Variants in INPP5D observed in about 807,000 individuals in gnomAD.
INPP5D encodes the protein inositol polyphosphate-5-phosphatase D.
INPP5D carries 33 observed loss-of-function variants against 122.9 expected under a neutral mutation model. The observed-to-expected ratio is 0.27, with a 90% CI of 0.20 to 0.36. The LOEUF (loss-of-function observed/expected upper bound fraction) is 0.36, where lower values mean the gene tolerates loss of function less well. Among genes scored for constraint, INPP5D ranks in the 10% least tolerant of loss-of-function variants. The pLI, the probability that INPP5D is intolerant of heterozygous loss-of-function variation, is 1.00. For synonymous variants in INPP5D, 584 were observed against 576.2 expected (o/e 1.01, Z -0.19); for missense variants, 1,053 against 1,412.7 (o/e 0.75, Z 4.08).
chr2:233,186,825 C>T (rs914951781), intron 21 of INPP5D, among the ~76,000 whole-genome samples: 5 of 146,318 alleles, frequency 3.4e-5, no homozygotes, highest in Non-Finnish European at 7.5e-5. Context: ...CAGGTTCAAG[C>T]GATTCTCCTG....
At chr2:233,168,180 A>G (rs1467006595) in intron 13 of INPP5D, among the ~76,000 whole-genome samples, 1 of 152,254 alleles carries the variant, frequency 6.6e-6, no homozygotes, top group East Asian at 1.9e-4. Flanking sequence ...TAATTTCAAT[A>G]ATAGATTTTA....
At chr2:233,173,565 A>G (rs547726726) in intron 17 of INPP5D, among the ~76,000 whole-genome samples, 9 of 152,192 alleles carry the variant, frequency 5.9e-5, no homozygotes, top group Non-Finnish European at 7.3e-5. Flanking sequence ...ATTTCTTTAT[A>G]TTCTTAATCT....
At position 233,182,404 on chromosome 2, in the gene INPP5D, C is replaced by CT; in HGVS notation, c.2072-5dup. On this transcript the variant is annotated splice_polypyrimidine_tract_variant and splice_region_variant and intron_variant, in intron 18 of 26. Transcript: ENST00000445964. ...CCTGCTTAAAAATGCCTTCCCTCCC[C>CT]TGCAGGCAGTACCAGCGACATCATG... 6.2e-7 allele frequency: 1 copy of CT among 1,613,568 alleles called. No individual in the cohort carries two copies. Among genetic ancestry groups the CT allele is most frequent in the African/African-American group, 1.3e-5 (1 of 75,056 alleles).
In INPP5D at chr2:233,204,626, G is replaced by C; in HGVS notation, c.3476G>C (p.Arg1159Pro). 1 of 1,579,874 alleles carries C rather than the reference G, an allele frequency of 6.3e-7. No homozygotes were observed. The highest frequency in any genetic ancestry group is 8.6e-7 in the Non-Finnish European group (1 of 1,164,698). Reference sequence around the variant, plus strand: ...CTGCACCTCCAGCACTCCAAGGGCCGCGACTACCGCGACAACACCGAGCTC... The same window carrying C: ...CTGCACCTCCAGCACTCCAAGGGCCCCGACTACCGCGACAACACCGAGCTC... ...AVLHLQHSKG[R>P]DYRDNTELPH... is the part of the protein sequence containing the mutation. The change falls in exon 26 of 27, where the codon CGC becomes CCC. Residue 1159 changes from arginine (R) to proline (P), a missense_variant. This residue lies in a region of INPP5D where 417 missense variants were observed against 425.8 expected (regional missense o/e 0.98). Coordinates refer to ENST00000445964, the MANE Select transcript of INPP5D (RefSeq NM_001017915.3).
In INPP5D at chr2:233,190,481, C is replaced by T. The variant is rs563894026; in HGVS notation, c.2446+544C>T. On this transcript the variant is annotated intron_variant, in intron 22 of 26. Transcript: ENST00000445964. ...TGCCCCCAAGGAGCCACCCTCTGCC[C>T]GAAGACCCCCTCTCCCCAGCCAGAG... Among the ~76,000 whole-genome samples the T allele has an allele frequency of 5.4e-4, 82 of 152,292 alleles. 1 individual carries two copies. Among genetic ancestry groups the T allele is most frequent in the South Asian group, 1.0e-3 (5 of 4,818 alleles).
At chr2:233,146,892 C>A (rs1397913671) in intron 8 of INPP5D, among the ~76,000 whole-genome samples, 1 of 152,162 alleles carries the variant, frequency 6.6e-6, no homozygotes, top group African/African-American at 2.4e-5. Context: ...CTAGTATATT[C>A]ACCCCAGCAC....
chr2:233,117,094 G>A (rs1179188165), intron 2 of INPP5D, among the ~76,000 whole-genome samples: 3 of 152,162 alleles, frequency 2.0e-5, no homozygotes, highest in African/African-American at 7.2e-5. Flanking sequence ...TAACCATTGC[G>A]GGGATCATGT....
intron 14 of INPP5D, 110 bp from the exon 15 acceptor site, chr2:233,169,916 C>A: frequency 6.4e-7 from 1 of 1,565,256 alleles, no homozygotes; most frequent in Admixed American, 1.8e-5. Flanking sequence ...TCTCACTTCC[C>A]CCCACCTGCT....
Position 233,130,658 on chromosome 2 carries a change from G to A in INPP5D, c.665+10G>A. On this transcript the variant is annotated intron_variant, in intron 5 of 26. Transcript: ENST00000445964. ...GCAAGGAGCTCTATGGGTAATGGCT[G>A]GCCCACGGGGGCGGGCAGGTGGGGG... is the stretch of plus-strand genomic sequence containing the variant. 1 of 1,613,754 alleles carries A rather than the reference G, an allele frequency of 6.2e-7. No individual in the cohort carries two copies. The highest frequency in any genetic ancestry group is 8.5e-7 in the Non-Finnish European group (1 of 1,179,760).
chr2:233,173,999 G>A (rs1694558235), intron 17 of INPP5D, among the ~76,000 whole-genome samples: 1 of 152,118 alleles, frequency 6.6e-6, no homozygotes. Context: ...GATGGTCAAT[G>A]ACATTATCAC....
In INPP5D at chr2:233,204,288, A is replaced by T; in HGVS notation, c.3138A>T (p.Glu1046Asp). 6.2e-7 allele frequency: 1 copy of T among 1,612,880 alleles called. No individual in the cohort carries two copies. Among genetic ancestry groups the T allele is most frequent in the South Asian group, 1.1e-5 (1 of 91,022 alleles). ...DQESPKMPRK[E>D]PPPCPEPGIL... ...AATCCCCCAAAATGCCGCGGAAGGA[A>T]CCCCCGCCCTGCCCGGAACCCGGCA... The change falls in exon 26 of 27, where the codon GAA becomes GAT. Residue 1046 changes from glutamate (E) to aspartate (D), a missense_variant. Glu to Asp is a conservative substitution (Grantham distance 45). Coordinates refer to ENST00000445964, the MANE Select transcript of INPP5D (RefSeq NM_001017915.3).
At chr2:233,063,195 C>A (rs372632039) in intron 1 of INPP5D, among the ~76,000 whole-genome samples, 5 of 152,336 alleles carry the variant, frequency 3.3e-5, no homozygotes, top group African/African-American at 1.2e-4. Context: ...GCCCTGGAAG[C>A]CTGGAGCCAC....
Position 233,130,055 on chromosome 2 carries a change from C to A in INPP5D, c.525-453C>A, listed in dbSNP as rs1693275772. ...TAGCTGAGATTGCAGGCACCCACCA[C>A]CACACCCGGCTAATTTTTGTATTTT... On this transcript the variant is annotated intron_variant, in intron 4 of 26. Coordinates refer to ENST00000445964, the MANE Select transcript of INPP5D (RefSeq NM_001017915.3). 2.0e-5 allele frequency among the ~76,000 whole-genome samples: 3 copies of A among 152,206 alleles called. No homozygotes were observed. In the East Asian group the frequency reaches 5.8e-4, roughly 29 times the overall value.
rs184151505 is a variant in INPP5D at position 233,173,508 on chromosome 2, T to C, written c.1989+2356T>C. Among the ~76,000 whole-genome samples, 547 of 152,338 alleles carry C rather than the reference T, an allele frequency of 3.6e-3. 11 individuals carry two copies. Among genetic ancestry groups the C allele is most frequent in the Admixed American group, 0.027 (418 of 15,300 alleles). On this transcript the variant is annotated intron_variant, in intron 17 of 26. Coordinates refer to ENST00000445964, the MANE Select transcript of INPP5D (RefSeq NM_001017915.3). ...AATTTTTGACGCTTTTGTAATAAAA[T>C]GTAGCTTAAAATACAAACACATTGT...
chr2:233,152,749 G>A (rs1263827974), intron 9 of INPP5D, among the ~76,000 whole-genome samples: 1 of 152,212 alleles, frequency 6.6e-6, no homozygotes, highest in Non-Finnish European at 1.5e-5. Context: ...TGGGCGGCCA[G>A]GACTCAGACA....
At chr2:233,063,849 G>A (rs1691139395) in intron 1 of INPP5D, among the ~76,000 whole-genome samples, 2 of 152,240 alleles carry the variant, frequency 1.3e-5, no homozygotes, top group South Asian at 4.1e-4. Context: ...CAAATCCCCC[G>A]GCAGAGTTGG....
intron 9 of INPP5D, among the ~76,000 whole-genome samples, chr2:233,148,389 G>A (rs1203821679): frequency 6.6e-6 from 1 of 152,244 alleles, no homozygotes; most frequent in Non-Finnish European, 1.5e-5. Context: ...AGAAAGGGCA[G>A]ACATGGAAGT....
At chr2:233,112,893 G>A (rs975403312) in intron 2 of INPP5D, among the ~76,000 whole-genome samples, 1 of 152,058 alleles carries the variant, frequency 6.6e-6, no homozygotes, top group African/African-American at 2.4e-5. Context: ...TGGGACCTCA[G>A]GTGATCCACT....
chr2:233,189,788 C>T lies in INPP5D; in HGVS notation c.2359-62C>T, dbSNP rs1574798438. ...TCGTCATCTTCATCCACTTGTCCAC[C>T]CACCTGTCCCCTCACCTGTCCCTTG... On this transcript the variant is annotated intron_variant, in intron 21 of 26. Transcript: ENST00000445964. This position sits in a 1 kb window ranked among gnomAD's most constrained non-coding sequence, Gnocchi z 5.6. 1.9e-6 allele frequency: 3 copies of T among 1,579,234 alleles called. No homozygotes were observed. The highest frequency in any genetic ancestry group is 2.7e-5 in the African/African-American group (2 of 73,670).
Sources: gnomAD v4.1 joint callset for allele counts (sites outside exome capture counted in the v4.1 genomes callset) on GRCh38, gnomAD v4.1.1 for gene constraint, gnomAD v4.1.1 regional missense constraint, Gnocchi (gnomAD v3.1) non-coding constraint, MANE v1.5 for transcripts, NCBI Gene and HGNC (gene_info 2026-07-23, HGNC 2026-07-21) for gene names.